NTRK2: variants seen among roughly 807,000 people sequenced by gnomAD.
The protein encoded by NTRK2 is BDNF/NT-3 growth factors receptor.
Under a neutral mutation model 94.5 loss-of-function variants are expected in NTRK2, and 13 were observed. That is an observed-to-expected ratio of 0.14 (90% CI 0.09 to 0.22). NTRK2 has a LOEUF of 0.22. NTRK2 is among the 10% of genes least tolerant of loss of function. The pLI is 1.00. For synonymous variants in NTRK2, 372 were observed against 407.4 expected (o/e 0.91, Z 1.05); for missense variants, 639 against 1,071.2 (o/e 0.60, Z 5.63).
chr9:84,994,571 C>T (rs1048785599), intron 17 of NTRK2, among the ~76,000 whole-genome samples: 1 of 152,136 alleles, frequency 6.6e-6, no homozygotes, highest in African/African-American at 2.4e-5. Context: ...TTTATTGTTA[C>T]CACTCCCAGA....
At position 84,902,041 on chromosome 9, in the gene NTRK2, A is replaced by G. The variant is rs139216120; in HGVS notation, c.1634-32121A>G. On this transcript the variant is annotated intron_variant, in intron 14 of 18. Transcript: ENST00000277120. ...AAACCCTGTCTCTACTAAAAATACA[A>G]AAAAATTAGCCAGGCATGGTGGTGT... is the stretch of plus-strand genomic sequence containing the variant. Among the ~76,000 whole-genome samples the G allele has an allele frequency of 9.3e-3, 1,408 of 151,888 alleles. 9 individuals carry two copies. Among genetic ancestry groups the G allele is most frequent in the Non-Finnish European group, 0.016 (1,072 of 67,864 alleles).
At chr9:84,919,499 A>G (rs1244474586) in intron 14 of NTRK2, among the ~76,000 whole-genome samples, 2 of 152,228 alleles carry the variant, frequency 1.3e-5, no homozygotes, top group East Asian at 1.9e-4. Flanking sequence ...CAAGTCATGT[A>G]GCCTTGAATG....
intron 15 of NTRK2, among the ~76,000 whole-genome samples, chr9:84,941,114 T>C (rs1281357769): frequency 6.6e-6 from 1 of 152,234 alleles, no homozygotes; most frequent in Non-Finnish European, 1.5e-5. Context: ...GAACAGAAAC[T>C]GTAAAACTTT....
chr9:84,690,840 T>G (rs1193523326), intron 2 of NTRK2, among the ~76,000 whole-genome samples: 2 of 152,224 alleles, frequency 1.3e-5, no homozygotes, highest in Non-Finnish European at 2.9e-5. Flanking sequence ...TACTAACCCA[T>G]TTCTTGAAAA....
intron 14 of NTRK2, among the ~76,000 whole-genome samples, chr9:84,895,239 C>T (rs1410039288): frequency 6.6e-6 from 1 of 152,242 alleles, no homozygotes; most frequent in Non-Finnish European, 1.5e-5. Flanking sequence ...GAGATTTCTA[C>T]TTTCTCTGAA....
At chr9:84,687,403 A>G (rs867672743) in intron 2 of NTRK2, among the ~76,000 whole-genome samples, 9 of 152,346 alleles carry the variant, frequency 5.9e-5, no homozygotes, top group Non-Finnish European at 1.0e-4. Context: ...GTTGGAGATC[A>G]GGTAACCCTG....
intron 2 of NTRK2, among the ~76,000 whole-genome samples, chr9:84,694,367 C>G (rs1321294429): frequency 2.6e-5 from 4 of 152,216 alleles, no homozygotes; most frequent in Non-Finnish European, 5.9e-5. Context: ...TACTTCAAAG[C>G]TCATGGCCAA....
chr9:84,817,402 C>G (rs1468008367), intron 12 of NTRK2, among the ~76,000 whole-genome samples: 1 of 152,164 alleles, frequency 6.6e-6, no homozygotes, highest in Admixed American at 6.5e-5. Flanking sequence ...TTCTCTTTAT[C>G]CAAGCCAATT....
chr9:84,694,158 C>T (rs1290827699), intron 2 of NTRK2, among the ~76,000 whole-genome samples: 4 of 152,146 alleles, frequency 2.6e-5, no homozygotes, highest in African/African-American at 7.2e-5. Context: ...GAGGCAGGTA[C>T]ATCTGGGTTC....
chr9:84,969,711 A>C (rs1233603979), intron 17 of NTRK2, among the ~76,000 whole-genome samples: 1 of 152,208 alleles, frequency 6.6e-6, no homozygotes, highest in African/African-American at 2.4e-5. Context: ...ATGGGTGACA[A>C]CTTCACAGAT....
intron 15 of NTRK2, among the ~76,000 whole-genome samples, chr9:84,947,549 G>T (rs1396750777): frequency 6.6e-6 from 1 of 152,262 alleles, no homozygotes; most frequent in Admixed American, 6.5e-5. Flanking sequence ...GCTGCAGACA[G>T]TTCCTAACGT....
rs375078713 is a variant in NTRK2, at chr9:84,881,551, A to G, written c.1633+14120A>G. Among the ~76,000 whole-genome samples, 221 of 152,348 alleles carry G rather than the reference A, an allele frequency of 1.5e-3. 2 individuals carry two copies. The highest frequency in any genetic ancestry group is 4.0e-3 in the African/African-American group (165 of 41,582). ...ACAGTGCCCAAGACATTGTAGGTTT[A>G]TAATAAATAGGTAGTAAACTGAATG... On this transcript the variant is annotated intron_variant, in intron 14 of 18. Transcript: ENST00000277120.
Position 85,026,654 on chromosome 9 carries a change from G to C in NTRK2, c.*5217G>C, listed in dbSNP as rs1045975439. On this transcript the variant is annotated 3_prime_UTR_variant, in exon 19 of 19. Transcript: ENST00000277120. ...GACTTACAAATCTGCCTGGAGATGT[G>C]GACATTCTGCATTTGCTTCTGTATC... is the stretch of plus-strand genomic sequence containing the variant. 1 of 232,810 alleles carries C rather than the reference G, an allele frequency of 4.3e-6. No homozygotes were observed. The highest frequency in any genetic ancestry group is 2.2e-5 in the African/African-American group (1 of 45,306). 14.4% of individuals were successfully genotyped at this position (232,810 alleles called of 1,614,324 possible).
intron 14 of NTRK2, chr9:84,872,048 GA>G: frequency 7.1e-7 from 1 of 1,416,148 alleles, no homozygotes; most frequent in Admixed American, 2.5e-5. Flanking sequence ...TTTAACTATA[GA>G]CCCATCTCCT....
intron 2 of NTRK2, among the ~76,000 whole-genome samples, chr9:84,694,780 A>G (rs1469915069): frequency 6.6e-6 from 1 of 152,136 alleles, no homozygotes; most frequent in East Asian, 1.9e-4. Flanking sequence ...AATCTAATCT[A>G]TCAATCAATC....
chr9:84,677,496 G>A (rs1221743812), intron 2 of NTRK2, among the ~76,000 whole-genome samples: 1 of 152,156 alleles, frequency 6.6e-6, no homozygotes, highest in African/African-American at 2.4e-5. Context: ...CCCATGGGAC[G>A]TGAAGGGCCC....
At chr9:84,775,866 T>G (rs1330337066) in intron 12 of NTRK2, among the ~76,000 whole-genome samples, 1 of 152,192 alleles carries the variant, frequency 6.6e-6, no homozygotes, top group East Asian at 1.9e-4. Context: ...AAATCTGAAT[T>G]TTAATGAAAT....
At chr9:84,801,533 A>G (rs749028053) in intron 12 of NTRK2, among the ~76,000 whole-genome samples, 1 of 152,200 alleles carries the variant, frequency 6.6e-6, no homozygotes, top group Non-Finnish European at 1.5e-5. Context: ...GCAGCAAGCC[A>G]CATCTCTCAG....
Position 84,786,735 on chromosome 9 carries a change from G to A in NTRK2, c.1396+34650G>A, listed in dbSNP as rs553907467. Among the ~76,000 whole-genome samples the A allele has an allele frequency of 1.2e-3, 184 of 152,236 alleles. No individual in the cohort carries two copies. In the Middle Eastern group the frequency reaches 0.014, roughly 11 times the overall value. ...CACATGTTTGAATTATGGACTTACC[G>A]CTCCCAGTGGCCACCACGTGTGTGT... On this transcript the variant is annotated intron_variant, in intron 12 of 18. Coordinates refer to ENST00000277120, the MANE Select transcript of NTRK2 (RefSeq NM_006180.6).
Sources: allele counts gnomAD v4.1 joint callset (sites outside exome capture counted in the v4.1 genomes callset), GRCh38; gene constraint gnomAD v4.1.1; transcripts MANE v1.5; gene names NCBI Gene and HGNC (gene_info 2026-07-23, HGNC 2026-07-21).